GPC5: variants seen among roughly 807,000 people sequenced by gnomAD.
GPC5 encodes glypican-5.
In GPC5, 47 loss-of-function variants were observed where a neutral mutation model predicts 53.9. The observed-to-expected ratio is 0.87, with a 90% confidence interval of 0.69 to 1.11. The LOEUF is 1.11. GPC5 is among the 50% of genes most tolerant of loss of function. GPC5 has a pLI of 0.00. For missense variants in GPC5, 748 were observed against 713.1 expected, an observed-to-expected ratio of 1.05 and a Z score of -0.56; for synonymous variants, 286 against 263.3, an observed-to-expected ratio of 1.09 and a Z score of -0.84.
intron 2 of GPC5, among the ~76,000 whole-genome samples, chr13:91,563,225 C>A (rs906425863): frequency 1.3e-5 from 2 of 152,072 alleles, no homozygotes; most frequent in African/African-American, 4.8e-5. Context: ...TTAGAAAATT[C>A]TAAATCAGCC....
intron 5 of GPC5, among the ~76,000 whole-genome samples, chr13:91,801,248 A>G (rs1289082801): frequency 1.0e-5 from 1 of 99,172 alleles, no homozygotes; most frequent in Non-Finnish European, 2.2e-5. Context: ...TGTGACATCC[A>G]TACTTTGTGT....
intron 6 of GPC5, among the ~76,000 whole-genome samples, chr13:91,916,175 AGT>A (rs1185353727): frequency 6.6e-6 from 1 of 152,222 alleles, no homozygotes; most frequent in Non-Finnish European, 1.5e-5. Flanking sequence ...ATGCAGAGAA[AGT>A]GGAACTCTCA....
intron 6 of GPC5, among the ~76,000 whole-genome samples, chr13:91,918,443 G>T (rs577169586): frequency 4.5e-4 from 69 of 152,200 alleles, no homozygotes; most frequent in African/African-American, 1.6e-3. Context: ...ACTAATAATG[G>T]TTTATGTCAA....
chr13:92,419,271 C>G (rs938476969), intron 7 of GPC5, among the ~76,000 whole-genome samples: 1 of 152,094 alleles, frequency 6.6e-6, no homozygotes, highest in African/African-American at 2.4e-5. Flanking sequence ...TACAGCCCAG[C>G]AGTATTATTT....
chr13:92,527,227 AAGAAAGAAAG>A (rs1881372206), intron 7 of GPC5, among the ~76,000 whole-genome samples: 3 of 53,844 alleles, frequency 5.6e-5, no homozygotes, highest in Non-Finnish European at 1.0e-4. Flanking sequence ...GAAAGAAAGA[AAGAAAGAAAG>A]AAAGAAAGAA....
chr13:91,520,707 T>C (rs13378657), intron 2 of GPC5, among the ~76,000 whole-genome samples: 3,219 of 149,034 alleles, frequency 0.022, 114 homozygotes, highest in African/African-American at 0.076. Context: ...TGTATATATA[T>C]GTGTGTGTGT....
chr13:92,844,946 A>T (rs1878563438), intron 7 of GPC5, among the ~76,000 whole-genome samples: 1 of 152,134 alleles, frequency 6.6e-6, no homozygotes, highest in African/African-American at 2.4e-5. Context: ...CTGCTCACAG[A>T]TACAGTTGGA....
chr13:91,568,438 G>A (rs9589295), intron 2 of GPC5, among the ~76,000 whole-genome samples: 69,761 of 151,828 alleles, frequency 0.46, 17,440 homozygotes, highest in African/African-American at 0.68. Flanking sequence ...AATATAGGAG[G>A]CAATCTTTAT....
intron 7 of GPC5, among the ~76,000 whole-genome samples, chr13:92,348,916 G>A (rs988944047): frequency 4.6e-5 from 7 of 151,962 alleles, no homozygotes; most frequent in African/African-American, 1.5e-4. Flanking sequence ...ATGGAATACA[G>A]CAAAAGAAGT....
rs1470396976 is a variant in GPC5, at chr13:91,960,864, G to T, written c.1401+52807G>T. Among the ~76,000 whole-genome samples, 6 of 151,696 alleles carry T rather than the reference G, an allele frequency of 4.0e-5. No homozygotes were observed. In the East Asian group the frequency reaches 1.2e-3, roughly 29 times the overall value. On this transcript the variant is annotated intron_variant, in intron 6 of 7. Coordinates refer to ENST00000377067, the MANE Select transcript of GPC5 (RefSeq NM_004466.6). ...GGAAAATTGGATATCCATATAAAGA[G>T]AATGAAAATAGACTCCTGTGTTTCA... is the stretch of plus-strand genomic sequence containing the variant.
chr13:92,159,166 C>G (rs1334193218), intron 7 of GPC5, among the ~76,000 whole-genome samples: 1 of 152,204 alleles, frequency 6.6e-6, no homozygotes, highest in Non-Finnish European at 1.5e-5. Flanking sequence ...CCTCAACTCC[C>G]TATAAATTAC....
At chr13:92,531,224 C>T (rs182359602) in intron 7 of GPC5, among the ~76,000 whole-genome samples, 18 of 152,168 alleles carry the variant, frequency 1.2e-4, no homozygotes, top group Admixed American at 3.3e-4. Flanking sequence ...TGATCTCAAG[C>T]AATCATACCC....
chr13:92,846,449 G>A (rs1437786377), intron 7 of GPC5, among the ~76,000 whole-genome samples: 1 of 152,132 alleles, frequency 6.6e-6, no homozygotes, highest in Non-Finnish European at 1.5e-5. Context: ...ATTTGGTATT[G>A]TGGATTCATG....
chr13:92,480,527 C>T (rs1879308328), intron 7 of GPC5, among the ~76,000 whole-genome samples: 1 of 152,108 alleles, frequency 6.6e-6, no homozygotes, highest in South Asian at 2.1e-4. Flanking sequence ...AGTTATACAT[C>T]TACTAACAAT....
At chr13:91,631,286 G>A (rs1379855615) in intron 2 of GPC5, among the ~76,000 whole-genome samples, 1 of 152,006 alleles carries the variant, frequency 6.6e-6, no homozygotes, top group Non-Finnish European at 1.5e-5. Flanking sequence ...TCACACCTTA[G>A]GTTTAATGAC....
intron 7 of GPC5, among the ~76,000 whole-genome samples, chr13:92,519,282 T>C (rs1162513581): frequency 4.6e-5 from 7 of 152,170 alleles, no homozygotes; most frequent in Admixed American, 1.3e-4. Flanking sequence ...GCAGACCTAA[T>C]AGACATCTAC....
intron 6 of GPC5, among the ~76,000 whole-genome samples, chr13:92,111,486 T>A (rs1594767485): frequency 1.3e-5 from 2 of 152,244 alleles, no homozygotes; most frequent in Middle Eastern, 3.4e-3. Flanking sequence ...GGAGAATAAG[T>A]AATTGGGAAA....
intron 6 of GPC5, among the ~76,000 whole-genome samples, chr13:91,967,892 T>TAATGTTCAAATGCA (rs2040196221): frequency 6.6e-6 from 1 of 152,122 alleles, no homozygotes; most frequent in East Asian, 1.9e-4. Context: ...ATTTTTATTG[T>TAATGTTCAAATGCA]TTTCATTTGC....
intron 7 of GPC5, among the ~76,000 whole-genome samples, chr13:92,635,623 G>A (rs1885385204): frequency 6.6e-6 from 1 of 152,104 alleles, no homozygotes; most frequent in Non-Finnish European, 1.5e-5. Flanking sequence ...GTAGCATTCG[G>A]GACTAAGTTT....
Sources: gnomAD v4.1 joint callset for allele counts (sites outside exome capture counted in the v4.1 genomes callset) on GRCh38, gnomAD v4.1.1 for gene constraint, MANE v1.5 for transcripts, NCBI Gene and HGNC (gene_info 2026-07-23, HGNC 2026-07-21) for gene names.